MANBA: variants seen among roughly 807,000 people sequenced by gnomAD.
MANBA encodes mannosidase beta.
In MANBA, 83 loss-of-function variants were observed where a neutral mutation model predicts 111.1. The ratio of observed to expected loss-of-function variants is 0.75; its 90% CI spans 0.63 to 0.90. MANBA has a LOEUF of 0.90. Ranked by LOEUF, MANBA falls within the 40% of genes least tolerant of loss-of-function variation. The pLI, the probability that MANBA is intolerant of heterozygous loss-of-function variation, is 0.00. For synonymous variants in MANBA, 370 were observed against 378.7 expected (o/e 0.98, Z 0.27); for missense variants, 1,036 against 1,069.0 (o/e 0.97, Z 0.43).
chr4:102,655,334 A>G lies in MANBA; in HGVS notation c.1704+2348T>C, dbSNP rs188213222. The stretch of plus-strand genomic sequence containing the variant: ...AATAGATCCCAAGACTCATTTGGAA[A>G]TGCAAGCCACCCAGGATAGTAAAAA... On this transcript the variant is annotated intron_variant, in intron 12 of 16. Coordinates refer to ENST00000647097, the MANE Select transcript of MANBA (RefSeq NM_005908.4). 1.5e-3 allele frequency among the ~76,000 whole-genome samples: 224 copies of G among 152,320 alleles called. 3 individuals are homozygous for G. The highest frequency in any genetic ancestry group is 1.4e-3 in the Non-Finnish European group (97 of 68,014).
intron 8 of MANBA, chr4:102,671,941 A>C: frequency 2.5e-6 from 1 of 406,558 alleles, no homozygotes; most frequent in East Asian, 3.5e-5. Flanking sequence ...AACAGTGCTC[A>C]AACCAAGTAA....
chr4:102,752,470 G>A (rs1350899284), intron 1 of MANBA: 1 of 763,952 alleles, frequency 1.3e-6, no homozygotes, highest in Non-Finnish European at 2.4e-6. Flanking sequence ...AGGATCTTTA[G>A]ATAACATTGT....
Position 102,632,072 on chromosome 4 carries a change from T to A in MANBA, c.2625A>T (p.Leu875Phe), listed in dbSNP as rs758017213. The change falls in exon 17 of 17, where the codon TTA becomes TTT. Residue 875 changes from leucine (L) to phenylalanine (F), a missense_variant. By Grantham distance (22) the Leu-to-Phe change is conservative. Coordinates refer to ENST00000647097, the MANE Select transcript of MANBA (RefSeq NM_005908.4). ...ELEQSFHVTSLTDIY is the reference protein window; with the variant it reads ...ELEQSFHVTSFTDIY ...CTAGATTCCTTCAGTAAATATCTGTTAAGGAGGTCACATGAAAAGATTGCT... is the reference window on the plus strand; with the variant it reads ...CTAGATTCCTTCAGTAAATATCTGTAAAGGAGGTCACATGAAAAGATTGCT... The A allele has an allele frequency of 1.9e-6, 3 of 1,601,386 alleles. No individual in the cohort carries two copies. In the South Asian group the frequency reaches 3.3e-5, roughly 18 times the overall value.
At chr4:102,635,828 T>G (rs755109053) in intron 15 of MANBA, 37 bp downstream of exon 15, 2 of 1,584,064 alleles carry the variant, frequency 1.3e-6, no homozygotes, top group East Asian at 2.2e-5. Flanking sequence ...CATCTAAAAG[T>G]CTCCTTCGAT....
intron 13 of MANBA, among the ~76,000 whole-genome samples, chr4:102,643,002 A>T (rs1301923839): frequency 1.3e-5 from 2 of 152,176 alleles, no homozygotes; most frequent in Non-Finnish European, 2.9e-5. Flanking sequence ...AGAGGTTATA[A>T]TTCATTGGTT....
At chr4:102,664,902 A>C (rs1025584397) in intron 10 of MANBA, 50 bp from the exon 11 acceptor site, 14 of 1,409,718 alleles carry the variant, frequency 9.9e-6, no homozygotes, top group African/African-American at 1.4e-5. Flanking sequence ...AACATAAAAA[A>C]TTCAGAGCTA....
intron 1 of MANBA, among the ~76,000 whole-genome samples, chr4:102,755,319 C>T (rs1477024604): frequency 1.3e-5 from 2 of 152,116 alleles, no homozygotes; most frequent in East Asian, 3.9e-4. Context: ...TAATACCACA[C>T]ATCTACAACC....
At chr4:102,757,813 C>T (rs956712954) in intron 1 of MANBA, among the ~76,000 whole-genome samples, 2 of 152,226 alleles carry the variant, frequency 1.3e-5, no homozygotes, top group African/African-American at 2.4e-5. Flanking sequence ...AACTTCCCAT[C>T]ACATGTAGAA....
intron 1 of MANBA, among the ~76,000 whole-genome samples, chr4:102,745,208 T>C (rs112442976): frequency 2.0e-5 from 3 of 152,304 alleles, no homozygotes; most frequent in African/African-American, 7.2e-5. Flanking sequence ...TTCCCTTTCT[T>C]CAATGCAGTT....
chr4:102,733,646 C>CT (rs1723107418), intron 1 of MANBA, among the ~76,000 whole-genome samples: 1 of 152,214 alleles, frequency 6.6e-6, no homozygotes, highest in Non-Finnish European at 1.5e-5. Flanking sequence ...CAGGCGTAAG[C>CT]CACCACACTG....
Position 102,730,022 on chromosome 4 carries a change from C to G in MANBA, c.178-3339G>C, listed in dbSNP as rs554148457. On this transcript the variant is annotated intron_variant, in intron 1 of 16. Transcript: ENST00000647097. ...TGCTGCCCTCACCATAGCCTCCGCC[C>G]AGACAACCTTGGAAGCTGCTGCTGC... is the stretch of plus-strand genomic sequence containing the variant. The G allele has an allele frequency of 3.7e-6, 3 of 815,904 alleles. No individual in the cohort carries two copies. In the East Asian group the frequency reaches 7.3e-5, roughly 20 times the overall value. The allele number at this position is 815,904 out of a possible 1,614,324, so 50.5% of individuals were successfully genotyped here.
At chr4:102,639,670 T>A (rs1435759333) in intron 14 of MANBA, 43 bp downstream of exon 14, 1 of 1,613,216 alleles carries the variant, frequency 6.2e-7, no homozygotes, top group Non-Finnish European at 8.5e-7. Context: ...CTCCCCACAG[T>A]GTTGCTTTCT....
intron 5 of MANBA, among the ~76,000 whole-genome samples, chr4:102,696,250 A>T (rs912056472): frequency 1.3e-5 from 2 of 152,182 alleles, no homozygotes; most frequent in Non-Finnish European, 2.9e-5. Flanking sequence ...AAGGACACTG[A>T]AATCTACAAA....
intron 13 of MANBA, among the ~76,000 whole-genome samples, chr4:102,641,016 A>C (rs980794159): frequency 3.3e-5 from 5 of 152,238 alleles, no homozygotes; most frequent in African/African-American, 9.6e-5. Flanking sequence ...GCTTGTGTAG[A>C]AGACAGTCCT....
At chr4:102,752,348 T>C (rs1723840493) in intron 1 of MANBA, 2 of 1,364,974 alleles carry the variant, frequency 1.5e-6, no homozygotes, top group Non-Finnish European at 2.1e-6. Context: ...CATACCAGAC[T>C]GTGGGATCCC....
At chr4:102,728,696 C>G (rs576745344) in intron 1 of MANBA, 2 of 625,278 alleles carry the variant, frequency 3.2e-6, no homozygotes, top group African/African-American at 3.7e-5. Context: ...CCCTTCTGCT[C>G]TCTGGGAGAG....
intron 1 of MANBA, among the ~76,000 whole-genome samples, chr4:102,747,387 A>T (rs1723628888): frequency 6.6e-6 from 1 of 152,130 alleles, no homozygotes; most frequent in Non-Finnish European, 1.5e-5. Context: ...CCTGCTTTTT[A>T]TTCTGGCTTT....
chr4:102,691,514 CTTTTTTT>C (rs544931674), intron 5 of MANBA, among the ~76,000 whole-genome samples: 1 of 137,076 alleles, frequency 7.3e-6, no homozygotes, highest in Non-Finnish European at 1.6e-5. Context: ...TTTCTTTTTC[CTTTTTTT>C]TTTTTTTTTT....
At chr4:102,638,123 A>C (rs986622811) in intron 14 of MANBA, among the ~76,000 whole-genome samples, 1 of 152,020 alleles carries the variant, frequency 6.6e-6, no homozygotes, top group Non-Finnish European at 1.5e-5. Context: ...GGAGTGAGGG[A>C]ATTAACAAAG....
Sources: gnomAD v4.1 joint callset for allele counts (sites outside exome capture counted in the v4.1 genomes callset) on GRCh38, gnomAD v4.1.1 for gene constraint, MANE v1.5 for transcripts, NCBI Gene and HGNC (gene_info 2026-07-23, HGNC 2026-07-21) for gene names.